CTNND2: variants seen among roughly 807,000 people sequenced by gnomAD.
The protein encoded by CTNND2 is catenin delta-2.
A neutral mutation model predicts 144.4 loss-of-function variants in CTNND2; 22 were observed. The ratio of observed to expected loss-of-function variants is 0.15; its 90% confidence interval spans 0.11 to 0.22. CTNND2 has a LOEUF of 0.22. CTNND2 is among the 10% of genes least tolerant of loss of function. The pLI, the probability that CTNND2 is intolerant of heterozygous loss-of-function variation, is 1.00. For synonymous variants in CTNND2, 751 were observed against 695.6 expected, an observed-to-expected ratio of 1.08 and a Z score of -1.25; for missense variants, 1,353 against 1,618.8, an observed-to-expected ratio of 0.84 and a Z score of 2.82.
At chr5:11,098,984 G>C (rs535725193) in intron 14 of CTNND2, among the ~76,000 whole-genome samples, 1 of 151,766 alleles carries the variant, frequency 6.6e-6, no homozygotes, top group South Asian at 2.1e-4. Flanking sequence ...GCACGCAAGA[G>C]AATGTAACTG....
intron 2 of CTNND2, among the ~76,000 whole-genome samples, chr5:11,679,144 G>A (rs1489905409): frequency 6.6e-6 from 1 of 151,914 alleles, no homozygotes; most frequent in Non-Finnish European, 1.5e-5. Flanking sequence ...AGGGAGATAA[G>A]ATCCTAGATG....
rs112499887 is a variant in CTNND2 at position 11,590,957 on chromosome 5, C to T, written c.175-25901G>A. 5.2e-3 allele frequency among the ~76,000 whole-genome samples: 787 copies of T among 152,334 alleles called. 8 individuals are homozygous for T. The highest frequency in any genetic ancestry group is 0.018 in the African/African-American group (752 of 41,582). Reference sequence around the variant, plus strand: ...ACATTTAACACTTTTTATACAATTGCTTGTCTAGACCTAGATGCTTTATTC... The same window carrying T: ...ACATTTAACACTTTTTATACAATTGTTTGTCTAGACCTAGATGCTTTATTC... On this transcript the variant is annotated intron_variant, in intron 2 of 21. Coordinates refer to ENST00000304623, the MANE Select transcript of CTNND2 (RefSeq NM_001332.4).
Position 11,384,618 on chromosome 5 carries a change from C to T in CTNND2, c.1177+47G>A, listed in dbSNP as rs753282448. 12 of 1,536,164 alleles carry T rather than the reference C, an allele frequency of 7.8e-6. 1 individual carries two copies. The South Asian group carries it at 1.4e-4, about 18-fold the overall frequency. ...AAGCCGGGCTGCTGCTTCCGCGTCCCCGCCACGCGCCCAGGTGAGTCGCGC... is the reference window on the plus strand; with the variant it reads ...AAGCCGGGCTGCTGCTTCCGCGTCCTCGCCACGCGCCCAGGTGAGTCGCGC... On this transcript the variant is annotated intron_variant, in intron 7 of 21. Transcript: ENST00000304623. This position sits in a 1 kb window ranked among gnomAD's most constrained non-coding sequence, Gnocchi z 5.2.
intron 16 of CTNND2, among the ~76,000 whole-genome samples, chr5:11,080,278 C>T (rs959477779): frequency 6.6e-6 from 1 of 152,168 alleles, no homozygotes; most frequent in Non-Finnish European, 1.5e-5. Context: ...TCACCTCACA[C>T]CTATCAGAAC....
chr5:11,639,273 G>A (rs1781871082), intron 2 of CTNND2, among the ~76,000 whole-genome samples: 1 of 152,106 alleles, frequency 6.6e-6, no homozygotes, highest in Non-Finnish European at 1.5e-5. Flanking sequence ...TGAGAACCTT[G>A]ATTTCAGTTC....
intron 2 of CTNND2, among the ~76,000 whole-genome samples, chr5:11,689,674 C>T (rs915891451): frequency 2.6e-5 from 4 of 152,088 alleles, no homozygotes; most frequent in Non-Finnish European, 4.4e-5. Flanking sequence ...TTATTCACCA[C>T]ACTGCTTCTG....
intron 1 of CTNND2, among the ~76,000 whole-genome samples, chr5:11,742,156 T>A (rs1788053756): frequency 6.6e-6 from 1 of 152,034 alleles, no homozygotes; most frequent in Non-Finnish European, 1.5e-5. Flanking sequence ...CTAAAGAACT[T>A]ACTTATGTAA....
At chr5:11,212,764 A>T (rs1204229072) in intron 10 of CTNND2, among the ~76,000 whole-genome samples, 1 of 152,120 alleles carries the variant, frequency 6.6e-6, no homozygotes, top group East Asian at 1.9e-4. Flanking sequence ...GGAGAGTGGG[A>T]GCTGGTCTCG....
intron 2 of CTNND2, among the ~76,000 whole-genome samples, chr5:11,677,339 G>A (rs1784222755): frequency 6.6e-6 from 1 of 152,156 alleles, no homozygotes; most frequent in Non-Finnish European, 1.5e-5. Flanking sequence ...TGCTTTTCTG[G>A]TCTAGAAATA....
intron 2 of CTNND2, among the ~76,000 whole-genome samples, chr5:11,623,800 GTGTGTATGTATATATATATATA>G (rs1204900263): frequency 0.02 from 1,708 of 85,606 alleles, 70 homozygotes; most frequent in African/African-American, 0.083. Context: ...ATATATATAT[GTGTGTATGTATATATATATATA>G]TATATATATA....
At chr5:11,102,666 G>A (rs1408300259) in intron 14 of CTNND2, among the ~76,000 whole-genome samples, 1 of 152,092 alleles carries the variant, frequency 6.6e-6, no homozygotes, top group African/African-American at 2.4e-5. Context: ...TTGAAAATAT[G>A]TATTCTTTCA....
chr5:11,829,261 T>A (rs558731282), intron 1 of CTNND2, among the ~76,000 whole-genome samples: 2 of 152,158 alleles, frequency 1.3e-5, no homozygotes, highest in South Asian at 4.1e-4. Context: ...TGGCAGAAAT[T>A]TATATAAGTA....
chr5:11,197,502 T>C (rs537298461), intron 11 of CTNND2, among the ~76,000 whole-genome samples: 1 of 151,958 alleles, frequency 6.6e-6, no homozygotes, highest in African/African-American at 2.4e-5. Flanking sequence ...GGAATAAGAG[T>C]GTATCCTCTC....
intron 9 of CTNND2, among the ~76,000 whole-genome samples, chr5:11,241,198 G>A (rs375798766): frequency 5.7e-4 from 86 of 152,188 alleles, no homozygotes; most frequent in African/African-American, 1.9e-3. Flanking sequence ...CCTTCTCCAT[G>A]CTGCTAACCT....
Position 11,266,444 on chromosome 5 carries a change from T to C in CTNND2, c.1629-29621A>G, listed in dbSNP as rs143007766. Among the ~76,000 whole-genome samples, 992 of 152,320 alleles carry C rather than the reference T, an allele frequency of 6.5e-3. 14 individuals carry two copies. The highest frequency in any genetic ancestry group is 0.022 in the African/African-American group (914 of 41,570). On this transcript the variant is annotated intron_variant, in intron 9 of 21. Coordinates refer to ENST00000304623, the MANE Select transcript of CTNND2 (RefSeq NM_001332.4). ...ACATTTAACTCTCTGCTGTAATAAG[T>C]GCCACAGACAAATAGAGTTAAATGG...
intron 9 of CTNND2, among the ~76,000 whole-genome samples, chr5:11,244,732 G>T (rs1254597636): frequency 6.6e-6 from 1 of 152,144 alleles, no homozygotes; most frequent in Non-Finnish European, 1.5e-5. Context: ...ATATGCTAAG[G>T]AAAATTAATT....
intron 3 of CTNND2, among the ~76,000 whole-genome samples, chr5:11,454,409 A>G (rs915336903): frequency 6.6e-6 from 1 of 151,950 alleles, no homozygotes; most frequent in Admixed American, 6.6e-5. Flanking sequence ...ACAGAGCGAG[A>G]CTCCGTCTAA....
At chr5:11,571,306 G>T (rs1318258950) in intron 2 of CTNND2, among the ~76,000 whole-genome samples, 2 of 152,122 alleles carry the variant, frequency 1.3e-5, no homozygotes, top group Non-Finnish European at 2.9e-5. Flanking sequence ...CATGAGTGAG[G>T]CTTGTTAGCT....
At chr5:11,531,548 C>G (rs1040027474) in intron 3 of CTNND2, among the ~76,000 whole-genome samples, 39 of 152,196 alleles carry the variant, frequency 2.6e-4, no homozygotes, top group African/African-American at 9.4e-4. Flanking sequence ...ATCACTTGAA[C>G]CCGGGAGGCA....
Sources: gnomAD v4.1 joint callset for allele counts (sites outside exome capture counted in the v4.1 genomes callset) on GRCh38, gnomAD v4.1.1 for gene constraint, Gnocchi (gnomAD v3.1) non-coding constraint, MANE v1.5 for transcripts, NCBI Gene and HGNC (gene_info 2026-07-23, HGNC 2026-07-21) for gene names.